The following HDAC9 variants were observed in gnomAD, a reference collection of about 807,000 sequenced individuals.
HDAC9 encodes histone deacetylase 9.
A neutral mutation model predicts 139.4 loss-of-function variants in HDAC9; 41 were observed. That is an observed-to-expected ratio of 0.29 (90% CI 0.23 to 0.38). HDAC9 has a LOEUF of 0.38. HDAC9 is among the 10% of genes least tolerant of loss of function. The probability of loss-of-function intolerance (pLI) is 1.00; values close to 1 mark genes in which losing one functional copy is unlikely to be tolerated. For missense variants in HDAC9, 1,147 were observed against 1,297.0 expected (o/e 0.88, Z 1.78); for synonymous variants, 517 against 476.2 (o/e 1.09, Z -1.12).
chr7:18,502,696 C>T (rs923967681), intron 2 of HDAC9: 1 of 151,934 alleles, frequency 6.6e-6, no homozygotes, highest in African/African-American at 2.4e-5. Context: ...GAATAGATTG[C>T]CTTTCTTAGT....
At chr7:18,652,425 A>G (rs1789579259) in intron 11 of HDAC9, among the ~76,000 whole-genome samples, 1 of 152,156 alleles carries the variant, frequency 6.6e-6, no homozygotes, top group Non-Finnish European at 1.5e-5. Context: ...ATTGATTAAA[A>G]CAGAATACGT....
intron 1 of HDAC9, among the ~76,000 whole-genome samples, chr7:18,427,220 T>C (rs2128757538): frequency 6.6e-6 from 1 of 152,298 alleles, no homozygotes; most frequent in Non-Finnish European, 1.5e-5. Context: ...TAAATTCCTG[T>C]TGAAGTAAGT....
At position 18,942,745 on chromosome 7, in the gene HDAC9, G is replaced by A. The variant is rs534795476; in HGVS notation, c.2937+6803G>A. On this transcript the variant is annotated intron_variant, in intron 23 of 25. Transcript: ENST00000686413. ...TTAAATCTAAGTTTAATAACATCAC[G>A]TTAGTAGCTTGAAATAGGCCATGGT... Among the ~76,000 whole-genome samples, 257 of 151,944 alleles carry A rather than the reference G, an allele frequency of 1.7e-3. 1 individual carries two copies. The highest frequency in any genetic ancestry group is 5.9e-3 in the African/African-American group (244 of 41,452).
chr7:18,929,106 G>C (rs1044218612), intron 22 of HDAC9, among the ~76,000 whole-genome samples: 5 of 151,942 alleles, frequency 3.3e-5, no homozygotes, highest in African/African-American at 1.2e-4. Context: ...GAATCCTTTT[G>C]TGTCATCTGA....
chr7:18,591,756 C>T (rs1831060332), intron 5 of HDAC9, 114 bp downstream of exon 5: 11 of 1,354,782 alleles, frequency 8.1e-6, no homozygotes, highest in Non-Finnish European at 1.1e-5. Flanking sequence ...TGGCTGTGGG[C>T]AAGTTCCTTC....
intron 17 of HDAC9, among the ~76,000 whole-genome samples, chr7:18,798,732 C>T (rs535352740): frequency 6.6e-6 from 1 of 152,236 alleles, no homozygotes; most frequent in African/African-American, 2.4e-5. Flanking sequence ...GTGGCGATCA[C>T]TCAACTTTAT....
chr7:18,783,347 G>A (rs1261712399), intron 16 of HDAC9, among the ~76,000 whole-genome samples: 3 of 152,044 alleles, frequency 2.0e-5, no homozygotes, highest in Non-Finnish European at 2.9e-5. Context: ...ATGTGGTAAG[G>A]GGCAAGGTTT....
intron 2 of HDAC9, among the ~76,000 whole-genome samples, chr7:18,213,708 A>C (rs958211183): frequency 6.6e-6 from 1 of 152,178 alleles, no homozygotes; most frequent in African/African-American, 2.4e-5. Flanking sequence ...TACTTTTAGG[A>C]GATGTGAAAC....
chr7:18,991,285 A>C (rs1785917075), intron 25 of HDAC9, among the ~76,000 whole-genome samples: 1 of 152,226 alleles, frequency 6.6e-6, no homozygotes, highest in South Asian at 2.1e-4. Flanking sequence ...AAAATTCACA[A>C]AATACGAACT....
chr7:18,352,549 C>T (rs1316198048), intron 1 of HDAC9, among the ~76,000 whole-genome samples: 1 of 152,096 alleles, frequency 6.6e-6, no homozygotes, highest in Admixed American at 6.6e-5. Flanking sequence ...CTCCAGGTAC[C>T]TTTAAATTTT....
At chr7:18,132,847 C>T (rs753889846) in intron 1 of HDAC9, among the ~76,000 whole-genome samples, 37 of 151,944 alleles carry the variant, frequency 2.4e-4, no homozygotes, top group Non-Finnish European at 4.3e-4. Flanking sequence ...TTCTTTATAT[C>T]AGAATCCCAA....
At chr7:18,540,077 T>A (rs1812261535) in intron 2 of HDAC9, among the ~76,000 whole-genome samples, 1 of 144,984 alleles carries the variant, frequency 6.9e-6, no homozygotes. Flanking sequence ...GGCCAACATG[T>A]TGAAACCGCA....
intron 6 of HDAC9, among the ~76,000 whole-genome samples, chr7:18,622,924 G>A (rs1386531340): frequency 1.3e-5 from 2 of 151,582 alleles, no homozygotes; most frequent in African/African-American, 4.8e-5. Flanking sequence ...CAAGCAGAAC[G>A]CTTGAGCCCA....
At chr7:18,349,122 G>T (rs899128417) in intron 1 of HDAC9, among the ~76,000 whole-genome samples, 7 of 152,056 alleles carry the variant, frequency 4.6e-5, no homozygotes, top group Non-Finnish European at 8.8e-5. Flanking sequence ...GTCACTCAGA[G>T]TAAAATTCAG....
At chr7:18,642,285 C>T (rs1185000314) in intron 8 of HDAC9, among the ~76,000 whole-genome samples, 2 of 152,050 alleles carry the variant, frequency 1.3e-5, no homozygotes, top group East Asian at 1.9e-4. Flanking sequence ...CTCCCAGTTG[C>T]ACTCCTTTAT....
At position 18,648,485 on chromosome 7, in the gene HDAC9, T is replaced by C. The variant is rs1788163007; in HGVS notation, c.1269T>C (p.Pro423=). 6.2e-7 allele frequency: 1 copy of C among 1,613,276 alleles called. No individual in the cohort carries two copies. The highest frequency in any genetic ancestry group is 1.3e-5 in the African/African-American group (1 of 74,918). ...TTTCAGGTGGAGTTCCCTTACATCC[T>C]CAGTCTCCCTTGGCAACAAAAGAGA... ...LLVAGGVPLH[P]QSPLATKERI... The change falls in exon 11 of 26, where the codon CCT becomes CCC. Residue 423 remains proline (P), a synonymous_variant. Transcript: ENST00000686413.
intron 16 of HDAC9, among the ~76,000 whole-genome samples, chr7:18,775,535 A>G (rs1275253327): frequency 6.6e-6 from 1 of 152,062 alleles, no homozygotes; most frequent in African/African-American, 2.4e-5. Context: ...CTTTGCTGCT[A>G]AATAGATTAC....
chr7:18,888,149 C>T (rs1461547640), intron 22 of HDAC9, among the ~76,000 whole-genome samples: 5 of 152,064 alleles, frequency 3.3e-5, no homozygotes, highest in Admixed American at 2.0e-4. Flanking sequence ...GGGCCGGGTG[C>T]GGTGGCTCCC....
At chr7:18,571,942 G>A (rs115097440) in intron 2 of HDAC9, among the ~76,000 whole-genome samples, 3 of 151,288 alleles carry the variant, frequency 2.0e-5, no homozygotes, top group African/African-American at 7.3e-5. Flanking sequence ...TTGTTTCCTG[G>A]TGGCAGGAGG....
Sources: allele counts gnomAD v4.1 joint callset (sites outside exome capture counted in the v4.1 genomes callset), GRCh38; gene constraint gnomAD v4.1.1; transcripts MANE v1.5; gene names NCBI Gene and HGNC (gene_info 2026-07-23, HGNC 2026-07-21).